NAALADL2: variants seen among roughly 807,000 people sequenced by gnomAD.
NAALADL2 encodes inactive N-acetylated-alpha-linked acidic dipeptidase-like protein 2.
Under a neutral mutation model 87.2 loss-of-function variants are expected in NAALADL2, and 76 were observed. The ratio of observed to expected loss-of-function variants is 0.87; its 90% CI spans 0.72 to 1.05. The LOEUF (loss-of-function observed/expected upper bound fraction) is 1.05, where lower values mean the gene tolerates loss of function less well. NAALADL2 is among the 50% of genes least tolerant of loss of function. NAALADL2 has a pLI of 0.00. For synonymous variants in NAALADL2, 354 were observed against 331.0 expected, an observed-to-expected ratio of 1.07 and a Z score of -0.75; for missense variants, 1,089 against 945.8, an observed-to-expected ratio of 1.15 and a Z score of -1.99.
rs1181973614 is a variant in NAALADL2 at position 175,307,196 on chromosome 3, A to T, written c.940-16979A>T. Among the ~76,000 whole-genome samples, 7 of 152,242 alleles carry T rather than the reference A, an allele frequency of 4.6e-5. No individual in the cohort carries two copies. The South Asian group carries it at 1.2e-3, about 27-fold the overall frequency. ...ATTTATTAAATTAAAAAAATATACAAATAAGAAAAATAATGAGTAATCTTA... is the reference window on the plus strand; with the variant it reads ...ATTTATTAAATTAAAAAAATATACATATAAGAAAAATAATGAGTAATCTTA... On this transcript the variant is annotated intron_variant, in intron 4 of 13. Coordinates refer to ENST00000454872, the MANE Select transcript of NAALADL2 (RefSeq NM_207015.3).
At chr3:175,504,770 A>C (rs981827786) in intron 9 of NAALADL2, among the ~76,000 whole-genome samples, 1 of 152,162 alleles carries the variant, frequency 6.6e-6, no homozygotes, top group African/African-American at 2.4e-5. Flanking sequence ...CCATGGACAA[A>C]AACTCAAAAT....
At chr3:175,618,591 G>T (rs1049015990) in intron 10 of NAALADL2, among the ~76,000 whole-genome samples, 8 of 152,106 alleles carry the variant, frequency 5.3e-5, no homozygotes, top group South Asian at 2.1e-4. Context: ...GCTGAAGAAG[G>T]TTGCTTATTC....
In NAALADL2 at chr3:174,566,561, C is replaced by CT. The variant is rs201733850; in HGVS notation, c.-115+15931dup. On this transcript the variant is annotated intron_variant, in intron 2 of 3. Coordinates refer to the NAALADL2 transcript ENST00000434257. ...TCTCTTCATATATAGACTGTTTTTCCTTTTTTTCACACTCCACTTCTCGTT... is the reference window on the plus strand; with the variant it reads ...TCTCTTCATATATAGACTGTTTTTCCTTTTTTTTCACACTCCACTTCTCGTT... Among the ~76,000 whole-genome samples, 380 of 151,636 alleles carry CT rather than the reference C, an allele frequency of 2.5e-3. 11 individuals carry two copies. The East Asian group carries it at 0.052, about 21-fold the overall frequency.
chr3:174,585,883 T>C (rs888902365), intron 2 of NAALADL2, among the ~76,000 whole-genome samples: 5 of 152,202 alleles, frequency 3.3e-5, no homozygotes, highest in African/African-American at 1.2e-4. Flanking sequence ...TTGCTAGTGA[T>C]GAACTCCATA....
intron 2 of NAALADL2, among the ~76,000 whole-genome samples, chr3:174,711,370 G>T (rs192731995): frequency 6.6e-6 from 1 of 152,038 alleles, no homozygotes; most frequent in African/African-American, 2.4e-5. Context: ...AGGTAAAAGC[G>T]GTTCTTATGA....
chr3:175,561,157 A>G lies in NAALADL2; in HGVS notation c.1654-14884A>G, dbSNP rs79459578. Among the ~76,000 whole-genome samples, 24 of 152,346 alleles carry G rather than the reference A, an allele frequency of 1.6e-4. No individual in the cohort carries two copies. In the East Asian group the frequency reaches 4.1e-3, roughly 26 times the overall value. On this transcript the variant is annotated intron_variant, in intron 9 of 13. Coordinates refer to ENST00000454872, the MANE Select transcript of NAALADL2 (RefSeq NM_207015.3). ...AAGTGTTATATACAGTTATTGGAGC[A>G]TTGGTTCTAAGACATCCTATGGGTG...
intron 12 of NAALADL2, 72 bp from the exon 13 acceptor site, chr3:175,755,148 C>G: frequency 7.8e-7 from 1 of 1,285,622 alleles, no homozygotes; most frequent in Non-Finnish European, 1.1e-6. Flanking sequence ...AACTTAGATT[C>G]CTGATTGGAA....
intron 10 of NAALADL2, among the ~76,000 whole-genome samples, chr3:175,577,675 A>G (rs765092988): frequency 5.3e-5 from 8 of 152,064 alleles, no homozygotes; most frequent in Admixed American, 1.3e-4. Context: ...TGTATTATTT[A>G]TCTCCAAAAA....
chr3:175,280,277 A>G (rs543672336), intron 4 of NAALADL2, among the ~76,000 whole-genome samples: 1 of 152,176 alleles, frequency 6.6e-6, no homozygotes, highest in African/African-American at 2.4e-5. Context: ...CCTTTGATTT[A>G]AATGTTTCCT....
At chr3:175,011,977 C>T in intron 1 of NAALADL2, among the ~76,000 whole-genome samples, 1 of 152,080 alleles carries the variant, frequency 6.6e-6, no homozygotes, top group East Asian at 1.9e-4. Context: ...TTATCAGTTT[C>T]ATTGCAAAAA....
chr3:174,952,686 T>G (rs1216944420), intron 1 of NAALADL2, among the ~76,000 whole-genome samples: 1 of 152,044 alleles, frequency 6.6e-6, no homozygotes, highest in Non-Finnish European at 1.5e-5. Flanking sequence ...TTGTAACCCA[T>G]GGAAATTAAT....
chr3:175,444,373 A>G (rs911388401), intron 5 of NAALADL2, among the ~76,000 whole-genome samples: 3 of 152,304 alleles, frequency 2.0e-5, no homozygotes, highest in Middle Eastern at 3.4e-3. Flanking sequence ...ATGCTTTGAA[A>G]CATGAATCAA....
intron 2 of NAALADL2, among the ~76,000 whole-genome samples, chr3:174,605,182 G>A (rs1024381055): frequency 3.3e-5 from 5 of 152,264 alleles, no homozygotes; most frequent in East Asian, 1.9e-4. Flanking sequence ...CTAGGGGGTC[G>A]AGCCAAGATG....
intron 1 of NAALADL2, among the ~76,000 whole-genome samples, chr3:174,521,987 T>C (rs1007938571): frequency 6.6e-6 from 1 of 151,996 alleles, no homozygotes; most frequent in Middle Eastern, 3.2e-3. Context: ...TCATCCCAGC[T>C]ACTTGGGAGG....
At chr3:174,781,611 G>T (rs1715987951) in intron 3 of NAALADL2, among the ~76,000 whole-genome samples, 2 of 151,946 alleles carry the variant, frequency 1.3e-5, no homozygotes, top group Non-Finnish European at 2.9e-5. Context: ...ATTTTAGAAG[G>T]ATGGATAGTG....
intron 1 of NAALADL2, among the ~76,000 whole-genome samples, chr3:174,514,882 T>C (rs2108398450): frequency 6.6e-6 from 1 of 152,264 alleles, no homozygotes; most frequent in Non-Finnish European, 1.5e-5. Flanking sequence ...AGTAAATTAC[T>C]ACACTGGGTA....
chr3:174,588,739 C>T (rs1465142565), intron 2 of NAALADL2, among the ~76,000 whole-genome samples: 2 of 152,148 alleles, frequency 1.3e-5, no homozygotes, highest in Non-Finnish European at 1.5e-5. Context: ...CCTCTGGAAG[C>T]TTCGTCTCAG....
At chr3:175,611,587 T>G (rs1724659680) in intron 10 of NAALADL2, among the ~76,000 whole-genome samples, 1 of 152,076 alleles carries the variant, frequency 6.6e-6, no homozygotes, top group Admixed American at 6.6e-5. Flanking sequence ...AAGTAGAACA[T>G]CAATGTCTTT....
chr3:174,567,670 T>C (rs956546055), intron 2 of NAALADL2, among the ~76,000 whole-genome samples: 2 of 151,630 alleles, frequency 1.3e-5, no homozygotes, highest in Admixed American at 6.6e-5. Context: ...TAAAAATAGA[T>C]AAGTCGATAT....
Sources: allele counts gnomAD v4.1 joint callset (sites outside exome capture counted in the v4.1 genomes callset), GRCh38; gene constraint gnomAD v4.1.1; transcripts MANE v1.5; gene names NCBI Gene and HGNC (gene_info 2026-07-23, HGNC 2026-07-21).